The following FGF12 variants were observed in gnomAD, a reference collection of about 807,000 sequenced individuals.
FGF12 encodes the protein fibroblast growth factor 12B.
FGF12 carries 14 observed loss-of-function variants against 23.6 expected under a neutral mutation model. The observed-to-expected ratio is 0.59, with a 90% confidence interval of 0.39 to 0.93. The LOEUF is 0.93. FGF12 is among the 40% of genes least tolerant of loss of function. The pLI is 0.00. For missense variants in FGF12, 175 were observed against 217.8 expected, an observed-to-expected ratio of 0.80 and a Z score of 1.24; for synonymous variants, 62 against 77.3, an observed-to-expected ratio of 0.80 and a Z score of 1.04.
chr3:192,267,722 A>G (rs1713169230), intron 4 of FGF12, among the ~76,000 whole-genome samples: 1 of 152,188 alleles, frequency 6.6e-6, no homozygotes, highest in Non-Finnish European at 1.5e-5. Context: ...ATTCATATGC[A>G]CATACATCAA....
Position 192,211,494 on chromosome 3 carries a change from C to T in FGF12, c.229-40838G>A, listed in dbSNP as rs373716772. Among the ~76,000 whole-genome samples, 251 of 134,778 alleles carry T rather than the reference C, an allele frequency of 1.9e-3. 1 individual carries two copies. The highest frequency in any genetic ancestry group is 7.3e-3 in the African/African-American group (247 of 33,960). The allele number at this position is 134,778 out of a possible 152,430, so 88.4% of individuals were successfully genotyped here. On this transcript the variant is annotated intron_variant, in intron 4 of 5. Transcript: ENST00000445105. ...AGGCTGGAGTGCAGCGGCGCAATCTCGGCTCACTGCAAGCTCCGCCTCCCA... is the reference window on the plus strand; with the variant it reads ...AGGCTGGAGTGCAGCGGCGCAATCTTGGCTCACTGCAAGCTCCGCCTCCCA...
intron 4 of FGF12, among the ~76,000 whole-genome samples, chr3:192,258,563 A>G (rs1560039209): frequency 6.6e-6 from 1 of 152,150 alleles, no homozygotes; most frequent in Non-Finnish European, 1.5e-5. Flanking sequence ...TAGTTGATTC[A>G]TTTTCTTTAA....
intron 2 of FGF12, among the ~76,000 whole-genome samples, chr3:192,484,543 T>C (rs1723575249): frequency 1.3e-5 from 2 of 152,134 alleles, no homozygotes; most frequent in African/African-American, 4.8e-5. Context: ...AGTTAACTTT[T>C]AGGATGTGAA....
chr3:192,606,204 A>C (rs1405387609), intron 2 of FGF12, among the ~76,000 whole-genome samples: 1 of 152,156 alleles, frequency 6.6e-6, no homozygotes, highest in African/African-American at 2.4e-5. Flanking sequence ...AAAAGAACAA[A>C]ATCATGTCCT....
At chr3:192,683,439 G>A (rs1050997721) in intron 2 of FGF12, among the ~76,000 whole-genome samples, 4 of 152,096 alleles carry the variant, frequency 2.6e-5, no homozygotes, top group South Asian at 2.1e-4. Context: ...TGGCAGCATC[G>A]GTGTTATGTG....
At chr3:192,286,352 G>A (rs1384839677) in intron 4 of FGF12, among the ~76,000 whole-genome samples, 4 of 151,998 alleles carry the variant, frequency 2.6e-5, no homozygotes, top group African/African-American at 9.7e-5. Flanking sequence ...CTGTTTGGAA[G>A]CGTTCCCACT....
intron 2 of FGF12, among the ~76,000 whole-genome samples, chr3:192,607,033 A>T (rs972233951): frequency 6.7e-6 from 1 of 150,184 alleles, no homozygotes; most frequent in African/African-American, 2.5e-5. Flanking sequence ...GTACACACAC[A>T]CGCAGGTACA....
At chr3:192,457,367 G>C in intron 2 of FGF12, among the ~76,000 whole-genome samples, 1 of 152,316 alleles carries the variant, frequency 6.6e-6, no homozygotes, top group Middle Eastern at 3.4e-3. Context: ...ATGTGGAAAA[G>C]TTTGGAACCT....
chr3:192,688,027 A>G (rs906566796), intron 2 of FGF12, among the ~76,000 whole-genome samples: 2 of 151,402 alleles, frequency 1.3e-5, no homozygotes, highest in African/African-American at 4.9e-5. Context: ...CCAGCAACTG[A>G]CCTTTGCTGC....
intron 2 of FGF12, among the ~76,000 whole-genome samples, chr3:192,439,707 T>C (rs1029525487): frequency 6.6e-6 from 1 of 152,270 alleles, no homozygotes; most frequent in East Asian, 1.9e-4. Flanking sequence ...CCAGGCGTGG[T>C]GGCTCACGCC....
intron 5 of FGF12, among the ~76,000 whole-genome samples, chr3:192,167,099 A>C (rs533679137): frequency 6.7e-6 from 1 of 148,446 alleles, no homozygotes; most frequent in African/African-American, 2.5e-5. Flanking sequence ...CAGAGTTTTT[A>C]GTGTCTCAAT....
chr3:192,625,492 TA>T (rs969965946), intron 2 of FGF12, among the ~76,000 whole-genome samples: 1 of 152,106 alleles, frequency 6.6e-6, no homozygotes, highest in Non-Finnish European at 1.5e-5. Context: ...TTTTCTATAT[TA>T]AAAATTTAAA....
intron 2 of FGF12, among the ~76,000 whole-genome samples, chr3:192,432,493 C>G (rs1004110443): frequency 2.0e-5 from 3 of 151,952 alleles, no homozygotes; most frequent in African/African-American, 7.3e-5. Context: ...TGTAAGACCC[C>G]TCCTTAGCAG....
At chr3:192,569,883 T>G (rs1033312611) in intron 2 of FGF12, among the ~76,000 whole-genome samples, 2 of 152,178 alleles carry the variant, frequency 1.3e-5, no homozygotes, top group Non-Finnish European at 2.9e-5. Flanking sequence ...TTTAGAAATA[T>G]GTGTATAAAA....
At chr3:192,609,540 A>G (rs1252388752) in intron 2 of FGF12, among the ~76,000 whole-genome samples, 1 of 152,114 alleles carries the variant, frequency 6.6e-6, no homozygotes, top group Non-Finnish European at 1.5e-5. Context: ...AGCAAGCATC[A>G]TGAAGTCAAC....
chr3:192,223,993 C>A (rs1718603741), intron 4 of FGF12, among the ~76,000 whole-genome samples: 1 of 152,098 alleles, frequency 6.6e-6, no homozygotes, highest in Non-Finnish European at 1.5e-5. Context: ...CAAGCCTCAG[C>A]AGCTTTGTTA....
chr3:192,345,248 T>C (rs1317207905), intron 3 of FGF12, among the ~76,000 whole-genome samples: 1 of 152,166 alleles, frequency 6.6e-6, no homozygotes, highest in Non-Finnish European at 1.5e-5. Context: ...AGTAACCACA[T>C]GTGTAATATG....
At chr3:192,504,342 A>G (rs1198841016) in intron 2 of FGF12, among the ~76,000 whole-genome samples, 5 of 152,174 alleles carry the variant, frequency 3.3e-5, no homozygotes, top group Non-Finnish European at 7.4e-5. Flanking sequence ...AACCTAAAAG[A>G]AAAGTGAAAA....
At chr3:192,524,439 T>C (rs971544960) in intron 2 of FGF12, among the ~76,000 whole-genome samples, 1 of 152,222 alleles carries the variant, frequency 6.6e-6, no homozygotes, top group African/African-American at 2.4e-5. Context: ...AGCTTATGAC[T>C]TTGGCTAACT....
Sources: gnomAD v4.1 joint callset for allele counts (sites outside exome capture counted in the v4.1 genomes callset) on GRCh38, gnomAD v4.1.1 for gene constraint, MANE v1.5 for transcripts, NCBI Gene and HGNC (gene_info 2026-07-23, HGNC 2026-07-21) for gene names.